Variants in EEPD1 observed in about 807,000 individuals in gnomAD.
The protein encoded by EEPD1 is endonuclease/exonuclease/phosphatase family domain-containing protein 1.
EEPD1 carries 17 observed loss-of-function variants against 46.3 expected under a neutral mutation model. The ratio of observed to expected loss-of-function variants is 0.37; its 90% CI spans 0.25 to 0.55. EEPD1 has a LOEUF of 0.55. EEPD1 is among the 20% of genes least tolerant of loss of function. EEPD1 has a pLI of 0.83. For missense variants in EEPD1, 673 were observed against 745.6 expected (o/e 0.90, Z 1.13); for synonymous variants, 313 against 315.6 (o/e 0.99, Z 0.09).
chr7:36,279,427 C>G (rs1428888438), intron 3 of EEPD1, among the ~76,000 whole-genome samples: 4 of 152,238 alleles, frequency 2.6e-5, no homozygotes, highest in Non-Finnish European at 5.9e-5. Flanking sequence ...GCTTGTCCCT[C>G]TAGAAATGAC....
intron 7 of EEPD1, among the ~76,000 whole-genome samples, chr7:36,297,781 G>T (rs1343843024): frequency 1.3e-4 from 20 of 152,132 alleles, no homozygotes; most frequent in Non-Finnish European, 2.5e-4. Flanking sequence ...AGGGTATGGG[G>T]GTGATTTCAC....
intron 2 of EEPD1, among the ~76,000 whole-genome samples, chr7:36,175,753 C>A (rs1418543709): frequency 6.6e-6 from 1 of 152,142 alleles, no homozygotes; most frequent in Non-Finnish European, 1.5e-5. Context: ...CAGAATCATT[C>A]CCAGTTGAGA....
chr7:36,259,132 T>C (rs1460514690), intron 3 of EEPD1, among the ~76,000 whole-genome samples: 1 of 151,678 alleles, frequency 6.6e-6, no homozygotes, highest in Non-Finnish European at 1.5e-5. Flanking sequence ...CCAGGTGAGG[T>C]GATACCCCAT....
intron 2 of EEPD1, among the ~76,000 whole-genome samples, chr7:36,174,543 G>A (rs1785146042): frequency 6.6e-6 from 1 of 152,176 alleles, no homozygotes; most frequent in Non-Finnish European, 1.5e-5. Context: ...CACAGGCCCT[G>A]GTCTCCGCCA....
At chr7:36,214,530 G>C (rs928521547) in intron 2 of EEPD1, among the ~76,000 whole-genome samples, 1 of 152,092 alleles carries the variant, frequency 6.6e-6, no homozygotes, top group African/African-American at 2.4e-5. Flanking sequence ...ATCTTAATTT[G>C]GTCTTATATC....
intron 2 of EEPD1, among the ~76,000 whole-genome samples, chr7:36,184,753 C>T (rs1459719209): frequency 1.3e-5 from 2 of 151,988 alleles, no homozygotes; most frequent in Non-Finnish European, 2.9e-5. Flanking sequence ...TTTTTTGAGA[C>T]AGGGTCTCGC....
At chr7:36,222,693 G>A (rs1225948356) in intron 2 of EEPD1, among the ~76,000 whole-genome samples, 6 of 152,194 alleles carry the variant, frequency 3.9e-5, no homozygotes, top group Non-Finnish European at 8.8e-5. Context: ...GGCTAATTCA[G>A]TGTCTGGCAA....
intron 2 of EEPD1, among the ~76,000 whole-genome samples, chr7:36,209,710 C>T (rs141663448): frequency 4.6e-5 from 7 of 151,934 alleles, no homozygotes; most frequent in African/African-American, 1.2e-4. Flanking sequence ...GCAGATCTCG[C>T]GTGAACTACC....
intron 3 of EEPD1, among the ~76,000 whole-genome samples, chr7:36,276,868 C>T (rs1787189052): frequency 1.3e-5 from 2 of 152,148 alleles, no homozygotes; most frequent in East Asian, 1.9e-4. Context: ...ATTCAGAAAC[C>T]CGAGAGGGTG....
At chr7:36,250,991 G>A (rs1786729725) in intron 3 of EEPD1, among the ~76,000 whole-genome samples, 1 of 152,184 alleles carries the variant, frequency 6.6e-6, no homozygotes, top group Non-Finnish European at 1.5e-5. Context: ...CAGTCAACAG[G>A]GGGGCCATTT....
Position 36,193,364 on chromosome 7 carries a change from GTAT to G in EEPD1, c.878+38163_878+38165del, listed in dbSNP as rs1785514621. Among the ~76,000 whole-genome samples, 1 of 152,150 alleles carries G rather than the reference GTAT, an allele frequency of 6.6e-6. No individual in the cohort carries two copies. Among genetic ancestry groups the G allele is most frequent in the African/African-American group, 2.4e-5 (1 of 41,436 alleles). ...AGGGGAGGAATGAAGGCGGGATGAG[GTAT>G]GGCCAGAGAGCAGAGGGAATGCCAC... On this transcript the variant is annotated intron_variant, in intron 2 of 7. Transcript: ENST00000242108. This position sits in a 1 kb window ranked among gnomAD's most constrained non-coding sequence, Gnocchi z 4.9.
intron 2 of EEPD1, among the ~76,000 whole-genome samples, chr7:36,157,646 G>A (rs1488852238): frequency 5.9e-5 from 9 of 152,242 alleles, no homozygotes; most frequent in Admixed American, 5.2e-4. Flanking sequence ...TTGGCCAAAT[G>A]TGTTGGAGGT....
intron 3 of EEPD1, among the ~76,000 whole-genome samples, chr7:36,241,381 G>A (rs901668691): frequency 6.6e-6 from 1 of 152,132 alleles, no homozygotes; most frequent in African/African-American, 2.4e-5. Context: ...GCGGAAGCAG[G>A]AGAATTCCTT....
At chr7:36,276,715 T>A (rs1164886170) in intron 3 of EEPD1, among the ~76,000 whole-genome samples, 1 of 152,202 alleles carries the variant, frequency 6.6e-6, no homozygotes, top group Non-Finnish European at 1.5e-5. Context: ...TACTTTAGAA[T>A]TGCTTGGGGG....
chr7:36,211,754 G>A (rs1785939081), intron 2 of EEPD1, among the ~76,000 whole-genome samples: 1 of 151,936 alleles, frequency 6.6e-6, no homozygotes, highest in South Asian at 2.1e-4. Flanking sequence ...GCGAAACCCT[G>A]TCTCTACTAA....
chr7:36,217,375 G>A (rs1434964548), intron 2 of EEPD1, among the ~76,000 whole-genome samples: 2 of 152,218 alleles, frequency 1.3e-5, no homozygotes, highest in Non-Finnish European at 2.9e-5. Context: ...GCATGCTAAT[G>A]CATTATAATT....
At chr7:36,198,324 GA>G (rs1192041161) in intron 2 of EEPD1, among the ~76,000 whole-genome samples, 11 of 25,262 alleles carry the variant, frequency 4.4e-4, no homozygotes, top group East Asian at 1.4e-3. Context: ...CTGGTCTTAA[GA>G]AAAAAAAAAA....
At position 36,297,102 on chromosome 7, in the gene EEPD1, C is replaced by T. The variant is rs771234485; in HGVS notation, c.1425C>T (p.Phe475=). 22 of 1,614,128 alleles carry T rather than the reference C, an allele frequency of 1.4e-5. No individual in the cohort carries two copies. The highest frequency in any genetic ancestry group is 3.3e-4 in the Middle Eastern group (2 of 6,084). Residue 475 remains phenylalanine (F), a synonymous_variant, in exon 7 of 8, where the codon TTC becomes TTT. Transcript: ENST00000242108. ...KFHHLIPAHT[F]TNISTKNPQG... ...ACCACCTGATCCCCGCGCACACCTT[C>T]ACCAACATCAGCACCAAGAACCCTC... is the stretch of plus-strand genomic sequence containing the variant.
At chr7:36,206,917 C>T (rs993798506) in intron 2 of EEPD1, among the ~76,000 whole-genome samples, 2 of 152,080 alleles carry the variant, frequency 1.3e-5, no homozygotes, top group Non-Finnish European at 2.9e-5. Flanking sequence ...GGTGTGGTGG[C>T]GTGCACCTGT....
Sources: allele counts gnomAD v4.1 joint callset (sites outside exome capture counted in the v4.1 genomes callset), GRCh38; gene constraint gnomAD v4.1.1; non-coding constraint Gnocchi (gnomAD v3.1); transcripts MANE v1.5; gene names NCBI Gene and HGNC (gene_info 2026-07-23, HGNC 2026-07-21).